RIMS2: variants seen among roughly 807,000 people sequenced by gnomAD.
The protein encoded by RIMS2 is regulating synaptic membrane exocytosis protein 2.
A neutral mutation model predicts 174.4 loss-of-function variants in RIMS2; 59 were observed. That is an observed-to-expected ratio of 0.34 (90% CI 0.27 to 0.42). The LOEUF (loss-of-function observed/expected upper bound fraction) is 0.42, where lower values mean the gene tolerates loss of function less well. Among genes scored for constraint, RIMS2 ranks in the 10% least tolerant of loss-of-function variants. RIMS2 has a pLI of 1.00. For missense variants in RIMS2, 1,620 were observed against 1,666.3 expected (o/e 0.97, Z 0.48); for synonymous variants, 606 against 572.5 (o/e 1.06, Z -0.84).
chr8:103,737,388 T>C (rs2097700411), intron 2 of RIMS2, among the ~76,000 whole-genome samples: 1 of 151,894 alleles, frequency 6.6e-6, no homozygotes. Context: ...GGTTTCACCA[T>C]GTTGGCCAGG....
chr8:104,215,139 A>G (rs1274867364), intron 19 of RIMS2, among the ~76,000 whole-genome samples: 1 of 152,258 alleles, frequency 6.6e-6, no homozygotes, highest in Non-Finnish European at 1.5e-5. Context: ...TAAGCAAAAA[A>G]TCTATGAAAA....
chr8:103,936,752 A>G (rs1565411912), intron 13 of RIMS2, 30 bp downstream of exon 15: 3 of 1,510,972 alleles, frequency 2.0e-6, no homozygotes, highest in South Asian at 1.2e-5. Flanking sequence ...AGTTTATGCT[A>G]TTCATGTTAT....
Position 103,579,405 on chromosome 8 carries a change from G to A in RIMS2, c.176+78343G>A, listed in dbSNP as rs189110833. On this transcript the variant is annotated intron_variant, in intron 1 of 23. Transcript: ENST00000504942. ...AACCTACTGATAAAATTAAGTACAA[G>A]GACAAACCCAGAATAATAGTGTAAT... Among the ~76,000 whole-genome samples the A allele has an allele frequency of 6.6e-5, 10 of 152,048 alleles. No homozygotes were observed. The East Asian group carries it at 1.7e-3, about 26-fold the overall frequency.
chr8:103,921,580 AAAAT>A, intron 9 of RIMS2, 88 bp from the exon 13 acceptor site: 1 of 677,472 alleles, frequency 1.5e-6, no homozygotes, highest in Non-Finnish European at 2.7e-6. Flanking sequence ...GGACATCAAA[AAAAT>A]AAATAATTTA....
intron 2 of RIMS2, among the ~76,000 whole-genome samples, chr8:103,764,213 T>G (rs1313381290): frequency 6.6e-6 from 1 of 152,222 alleles, no homozygotes; most frequent in Non-Finnish European, 1.5e-5. Context: ...CTGCAGATGA[T>G]AGTGATTGGA....
At chr8:103,890,685 T>C (rs528660852) in intron 4 of RIMS2, among the ~76,000 whole-genome samples, 1 of 152,142 alleles carries the variant, frequency 6.6e-6, no homozygotes, top group Non-Finnish European at 1.5e-5. Context: ...TTTTTCGTTT[T>C]TTGTGTGTTT....
intron 3 of RIMS2, among the ~76,000 whole-genome samples, chr8:103,875,333 G>A (rs1161623180): frequency 6.6e-6 from 1 of 151,796 alleles, no homozygotes; most frequent in Non-Finnish European, 1.5e-5. Context: ...CCATGGCTTA[G>A]CTCCCACTTA....
intron 4 of RIMS2, among the ~76,000 whole-genome samples, chr8:103,889,489 A>G (rs1382021790): frequency 6.6e-6 from 1 of 151,818 alleles, no homozygotes; most frequent in Non-Finnish European, 1.5e-5. Flanking sequence ...ACACTTTATA[A>G]ATAGCACCAG....
chr8:103,584,187 A>G (rs1009202644), intron 1 of RIMS2, among the ~76,000 whole-genome samples: 3 of 152,178 alleles, frequency 2.0e-5, no homozygotes, highest in Admixed American at 6.5e-5. Context: ...GTTGCATGAC[A>G]TATTTAATGT....
At chr8:103,767,030 G>A (rs571510852) in intron 3 of RIMS2, among the ~76,000 whole-genome samples, 1 of 152,254 alleles carries the variant, frequency 6.6e-6, no homozygotes, top group East Asian at 1.9e-4. Flanking sequence ...GATTTCATGA[G>A]TTTGATATAT....
intron 19 of RIMS2, among the ~76,000 whole-genome samples, chr8:104,175,089 A>G (rs2098872118): frequency 6.6e-6 from 1 of 152,178 alleles, no homozygotes; most frequent in African/African-American, 2.4e-5. Context: ...TCTATGATGA[A>G]TACATACTCT....
In RIMS2 at chr8:104,184,897, A is replaced by T. The variant is rs552700004; in HGVS notation, c.3335-60019A>T. 4.0e-5 allele frequency among the ~76,000 whole-genome samples: 6 copies of T among 148,236 alleles called. No individual in the cohort carries two copies. In the South Asian group the frequency reaches 1.3e-3, roughly 32 times the overall value. On this transcript the variant is annotated intron_variant, in intron 19 of 23. Coordinates refer to ENST00000504942, the Ensembl canonical transcript of RIMS2. ...TATGTACATATGTATCATGATAAGA[A>T]ATTAGATTCTAGCAAAAATTTATAA...
chr8:103,853,343 A>T lies in RIMS2; in HGVS notation c.699-31955A>T, dbSNP rs182977785. 1.1e-3 allele frequency among the ~76,000 whole-genome samples: 171 copies of T among 151,596 alleles called. 3 individuals carry two copies. The South Asian group carries it at 0.016, about 14-fold the overall frequency. Reference sequence around the variant, plus strand: ...CTCCCATTCTGTATGTAGTCTGTTTACTCTGTTAATAGTTTCTTTTGCTAT... The same window carrying T: ...CTCCCATTCTGTATGTAGTCTGTTTTCTCTGTTAATAGTTTCTTTTGCTAT... On this transcript the variant is annotated intron_variant, in intron 3 of 23. Coordinates refer to ENST00000504942, the Ensembl canonical transcript of RIMS2.
At chr8:103,921,510 AC>A (rs1453728230) in intron 9 of RIMS2, among the ~76,000 whole-genome samples, 161 bp from the exon 13 acceptor site, 2 of 152,184 alleles carry the variant, frequency 1.3e-5, no homozygotes, top group African/African-American at 4.8e-5. Context: ...TTCCAAAAAA[AC>A]CCTTTAAGAA....
intron 14 of RIMS2, among the ~76,000 whole-genome samples, chr8:103,951,890 T>A (rs1391945319): frequency 6.6e-6 from 1 of 152,208 alleles, no homozygotes; most frequent in Admixed American, 6.5e-5. Flanking sequence ...GTCTGAGTTC[T>A]ACCTGGGACG....
rs373143921 is a variant in RIMS2, at chr8:103,863,751, C to T, written c.699-21547C>T. On this transcript the variant is annotated intron_variant, in intron 3 of 23. Transcript: ENST00000504942. Reference sequence around the variant, plus strand: ...GATGTTCATAATAGTCTTTGAGGATCTTTTCTGTTTCTTTAGTATCAGTTG... The same window carrying T: ...GATGTTCATAATAGTCTTTGAGGATTTTTTCTGTTTCTTTAGTATCAGTTG... Among the ~76,000 whole-genome samples, 11 of 151,952 alleles carry T rather than the reference C, an allele frequency of 7.2e-5. No individual in the cohort carries two copies. The East Asian group carries it at 1.7e-3, about 24-fold the overall frequency.
chr8:104,037,614 T>C (rs1010719203), intron 19 of RIMS2, among the ~76,000 whole-genome samples: 14 of 152,126 alleles, frequency 9.2e-5, no homozygotes, highest in East Asian at 3.9e-4. Context: ...TTACAGATGA[T>C]CATTTCTGTT....
intron 19 of RIMS2, among the ~76,000 whole-genome samples, chr8:104,160,444 T>C (rs544420565): frequency 2.0e-5 from 3 of 152,298 alleles, no homozygotes; most frequent in African/African-American, 7.2e-5. Context: ...CTATAAATGA[T>C]CATATGGATA....
chr8:104,094,338 T>C, intron 19 of RIMS2: 3 of 533,330 alleles, frequency 5.6e-6, no homozygotes, highest in Non-Finnish European at 6.6e-6. Flanking sequence ...AAGTAAGTTT[T>C]CAACATTTAA....
Sources: allele counts gnomAD v4.1 joint callset (sites outside exome capture counted in the v4.1 genomes callset), GRCh38; gene constraint gnomAD v4.1.1; transcripts MANE v1.5; gene names NCBI Gene and HGNC (gene_info 2026-07-23, HGNC 2026-07-21).